Variants in APC2 observed in about 807,000 individuals in gnomAD.
APC2 encodes the protein APC regulator of Wnt signaling pathway 2.
A neutral mutation model predicts 72.5 loss-of-function variants in APC2; 41 were observed. The observed-to-expected ratio is 0.57, with a 90% CI of 0.44 to 0.73. The LOEUF (loss-of-function observed/expected upper bound fraction) is 0.73. Among genes scored for constraint, APC2 ranks in the 30% least tolerant of loss-of-function variants. The probability of loss-of-function intolerance (pLI) is 0.00; values close to 1 mark genes in which losing one functional copy is unlikely to be tolerated. For synonymous variants in APC2, 1,898 were observed against 1,612.0 expected, an observed-to-expected ratio of 1.18 and a Z score of -4.25; for missense variants, 3,729 against 3,403.4, an observed-to-expected ratio of 1.10 and a Z score of -2.38.
chr19:1,448,984 T>G (rs2083713317), upstream of APC2, among the ~76,000 whole-genome samples: 1 of 152,160 alleles, frequency 6.6e-6, no homozygotes, highest in African/African-American at 2.4e-5. Context: ...GCCGAAGGGC[T>G]CTCAGCCCCT....
At chr19:1,456,504 T>A in intron 8 of APC2, 100 bp downstream of exon 8, 1 of 1,239,808 alleles carries the variant, frequency 8.1e-7, no homozygotes, top group Non-Finnish European at 1.1e-6. Context: ...CATGCCTCCA[T>A]CCAGCACCCC....
Position 1,453,318 on chromosome 19 carries a change from G to A in APC2, c.213G>A (p.Glu71=), listed in dbSNP as rs368403303. ...ARVLVSSGQT[E]VLEQLKALQM... is the part of the protein sequence containing the mutation. ...TGCTGGTGTCCTCGGGGCAGACGGA[G>A]GTGCTGGAGCAGCTGAAGGGTGAGC... Residue 71 remains glutamate (E), a synonymous_variant, in exon 3 of 15, where the codon GAG becomes GAA. Transcript: ENST00000590469. The A allele has an allele frequency of 1.8e-5, 28 of 1,599,870 alleles. No homozygotes were observed. Among genetic ancestry groups the A allele is most frequent in the Non-Finnish European group, 2.3e-5 (27 of 1,173,670 alleles).
Position 1,456,924 on chromosome 19 carries a change from G to A in APC2, c.888G>A (p.Leu296=). The A allele has an allele frequency of 6.4e-7, 1 of 1,569,984 alleles. No individual in the cohort carries two copies. Among genetic ancestry groups the A allele is most frequent in the Non-Finnish European group, 8.6e-7 (1 of 1,166,058 alleles). The part of the protein sequence containing the change: ...RDQEDTARTL[L]AMSSSPESCV... ...AGGAGGATACAGCGCGCACGCTGCTGGCCATGTCCAGCTCGCCCGAGAGCT... is the reference window on the plus strand; with the variant it reads ...AGGAGGATACAGCGCGCACGCTGCTAGCCATGTCCAGCTCGCCCGAGAGCT... The change falls in exon 9 of 15, where the codon CTG becomes CTA. Residue 296 remains leucine, a synonymous_variant. Transcript: ENST00000590469.
chr19:1,470,256 G>A lies in APC2; in HGVS notation c.*43G>A, dbSNP rs549582280. ...CTGGAACGTTCTCTCCCGGCCCTGC[G>A]GCGCGGTCTGGCTGCCCCATGGGCC... is the stretch of plus-strand genomic sequence containing the variant. On this transcript the variant is annotated 3_prime_UTR_variant, in exon 15 of 15. Transcript: ENST00000590469. The A allele has an allele frequency of 1.8e-5, 27 of 1,518,002 alleles. No homozygotes were observed. In the South Asian group the frequency reaches 2.2e-4, roughly 12 times the overall value. 94.0% of individuals were successfully genotyped at this position (1,518,002 alleles called of 1,614,324 possible).
In APC2 at chr19:1,461,972, C is replaced by T. The variant is rs1451605837; in HGVS notation, c.1648C>T (p.Leu550=). The change falls in exon 14 of 15, where the codon CTG becomes TTG. Residue 550 remains leucine (L), a synonymous_variant. Coordinates refer to ENST00000590469, the MANE Select transcript of APC2 (RefSeq NM_005883.3). ...CCCGCCCCTCGTCCAGGAGTCCACC[C>T]TGAAGAGCGTGCTGAGCGCCCTGTG... The part of the protein sequence containing the change: ...CVLRATKEST[L]KSVLSALWNL... 1 of 1,611,676 alleles carries T rather than the reference C, an allele frequency of 6.2e-7. No individual in the cohort carries two copies. Among genetic ancestry groups the T allele is most frequent in the Non-Finnish European group, 8.5e-7 (1 of 1,178,900 alleles).
rs2084036067 is a variant in APC2 at position 1,467,315 on chromosome 19, G to A, written c.4014G>A (p.Gln1338=). Residue 1338 remains glutamine, a synonymous_variant, in exon 15 of 15, where the codon CAG becomes CAA. Transcript: ENST00000590469. ...CTCGCCCTCGCGGCGCCGCGGACCA[G>A]GAGCTGGAACTGCTGCGGGAGTGCC... The part of the protein sequence containing the change: ...TGSRPRGAAD[Q]ELELLRECLG... 7.4e-7 allele frequency: 1 copy of A among 1,352,618 alleles called. No homozygotes were observed. The highest frequency in any genetic ancestry group is 9.5e-7 in the Non-Finnish European group (1 of 1,055,158). The allele number at this position is 1,352,618 out of a possible 1,614,324, so 83.8% of individuals were successfully genotyped here.
rs1194079275 is a variant in APC2 at position 1,465,261 on chromosome 19, G to A, written c.1960G>A (p.Ala654Thr). The A allele has an allele frequency of 1.2e-6, 2 of 1,607,340 alleles. No homozygotes were observed. The highest frequency in any genetic ancestry group is 1.7e-5 in the Admixed American group (1 of 59,860). ...NACGTLWNLS[A>T]RSARDQELLW... ...GTGCGGCACGCTCTGGAACCTGTCG[G>A]CCCGCAGCGCCCGTGACCAGGAGCT... Residue 654 changes from alanine (A) to threonine (T), a missense_variant, in exon 15 of 15, where the codon GCC becomes ACC. By Grantham distance (58) the Ala-to-Thr change is moderately conservative. Coordinates refer to ENST00000590469, the MANE Select transcript of APC2 (RefSeq NM_005883.3).
Position 1,468,901 on chromosome 19 carries a change from GCCTCGCCAAGACCCCCT to G in APC2, c.5605_5621del (p.Ala1869GlnfsTer278), listed in dbSNP as rs1339996201. 1.3e-6 allele frequency: 2 copies of G among 1,506,628 alleles called. No homozygotes were observed. The highest frequency in any genetic ancestry group is 1.8e-6 in the Non-Finnish European group (2 of 1,132,034). 93.3% of individuals were successfully genotyped at this position (1,506,628 alleles called of 1,614,324 possible). On this transcript the variant is annotated frameshift_variant, in exon 15 of 15. Coordinates refer to ENST00000590469, the MANE Select transcript of APC2 (RefSeq NM_005883.3). LOFTEE classifies it low-confidence loss of function (END_TRUNC). ...CCCAGAAGCGCCACACCGCCCGCCC[GCCTCGCCAAGACCCCCT>G]CCTCCAGCTCCTCCCAGACCTCGCC...
intron 11 of APC2, 70 bp from the exon 12 acceptor site, chr19:1,460,710 G>C: frequency 4.7e-6 from 7 of 1,478,288 alleles, no homozygotes; most frequent in Non-Finnish European, 6.5e-6. Flanking sequence ...CACAGACGGG[G>C]CTGGGAGGTG....
intron 14 of APC2, among the ~76,000 whole-genome samples, chr19:1,463,799 A>G (rs1272927683): frequency 6.6e-6 from 1 of 152,088 alleles, no homozygotes; most frequent in East Asian, 1.9e-4. Flanking sequence ...TAAAATATTT[A>G]AACAATAGAG....
In APC2 at chr19:1,455,268, C is replaced by T. The variant is rs1223515123; in HGVS notation, c.522+11C>T. The T allele has an allele frequency of 6.4e-7, 1 of 1,561,052 alleles. No homozygotes were observed. Among genetic ancestry groups the T allele is most frequent in the African/African-American group, 1.4e-5 (1 of 72,226 alleles). On this transcript the variant is annotated intron_variant, in intron 5 of 14. Coordinates refer to ENST00000590469, the MANE Select transcript of APC2 (RefSeq NM_005883.3). Reference sequence around the variant, plus strand: ...CCGCACGTGGAGACGGTGAGCCGGCCGGGGAGCCAGGGGGCAGCGCGCCCG... The same window carrying T: ...CCGCACGTGGAGACGGTGAGCCGGCTGGGGAGCCAGGGGGCAGCGCGCCCG...
upstream of APC2, among the ~76,000 whole-genome samples, chr19:1,448,573 T>C (rs890002363): frequency 6.0e-5 from 7 of 116,910 alleles, no homozygotes; most frequent in East Asian, 2.5e-4. Context: ...AGGCCGGGCG[T>C]GGTGGTTCAC....
intron 8 of APC2, 139 bp from the exon 9 acceptor site, chr19:1,456,714 C>T (rs903556511): frequency 1.1e-5 from 13 of 1,155,256 alleles, no homozygotes; most frequent in Non-Finnish European, 1.4e-5. Flanking sequence ...GTGCAGCCTC[C>T]TAGCGTCCCC....
At position 1,455,219 on chromosome 19, in the gene APC2, C is replaced by A; in HGVS notation, c.484C>A (p.Leu162Met). 6.3e-7 allele frequency: 1 copy of A among 1,582,946 alleles called. No individual in the cohort carries two copies. Residue 162 changes from leucine to methionine, a missense_variant, in exon 5 of 15, where the codon CTG (leucine) becomes ATG (methionine). Physicochemically the swap from Leu to Met is conservative, Grantham distance 15. Transcript: ENST00000590469. ...CTGGTACTACTCTCAGCTGCAGGGC[C>A]TGTCCAAGCGCCTGGACGAGCTGCC... ...KLWYYSQLQGLSKRLDELPHV... is the reference protein window; with the variant it reads ...KLWYYSQLQGMSKRLDELPHV...
intron 6 of APC2, 134 bp downstream of exon 6, chr19:1,455,634 T>G: frequency 1.1e-6 from 1 of 890,688 alleles, no homozygotes; most frequent in East Asian, 2.7e-5. Flanking sequence ...GGGCGCGGGT[T>G]CTGGTTCAGG....
At chr19:1,446,768 A>G (rs546053189), upstream of APC2, among the ~76,000 whole-genome samples, 14 of 152,042 alleles carry the variant, frequency 9.2e-5, 1 homozygote, top group South Asian at 2.9e-3. This position sits in a 1 kb window ranked among gnomAD's most constrained non-coding sequence, Gnocchi z 6.1. Context: ...TTTGGGCCTC[A>G]GTTTCCCCTT....
Position 1,455,275 on chromosome 19 carries a change from C to G in APC2, c.522+18C>G, listed in dbSNP as rs757037018. On this transcript the variant is annotated intron_variant, in intron 5 of 14. Coordinates refer to ENST00000590469, the MANE Select transcript of APC2 (RefSeq NM_005883.3). Reference sequence around the variant, plus strand: ...TGGAGACGGTGAGCCGGCCGGGGAGCCAGGGGGCAGCGCGCCCGCCCCACT... The same window carrying G: ...TGGAGACGGTGAGCCGGCCGGGGAGGCAGGGGGCAGCGCGCCCGCCCCACT... The G allele has an allele frequency of 1.9e-5, 30 of 1,565,012 alleles. No individual in the cohort carries two copies. The East Asian group carries it at 3.1e-4, about 16-fold the overall frequency.
rs1288871513 is a variant in APC2 at position 1,467,523 on chromosome 19, G to T, written c.4222G>T (p.Asp1408Tyr). 6.8e-7 allele frequency: 1 copy of T among 1,475,126 alleles called. No individual in the cohort carries two copies. The highest frequency in any genetic ancestry group is 9.0e-7 in the Non-Finnish European group (1 of 1,117,020). 91.4% of individuals were successfully genotyped at this position (1,475,126 alleles called of 1,614,324 possible). A position where few individuals can be genotyped will look rare whatever the true frequency, so the allele number is the denominator to read the frequency against. Residue 1408 changes from aspartate (D) to tyrosine (Y), a missense_variant, in exon 15 of 15, where the codon GAC (aspartate) becomes TAC (tyrosine). Transcript: ENST00000590469. Reference protein sequence around the residue: ...VNFSSAASLSDETLQGPPRDQ... With the variant: ...VNFSSAASLSYETLQGPPRDQ... ...CTTCTCTAGCGCCGCCTCGCTCAGC[G>T]ACGAGACGCTGCAGGGACCCCCCAG... is the stretch of plus-strand genomic sequence containing the variant.
upstream of APC2, among the ~76,000 whole-genome samples, chr19:1,449,605 G>A (rs2083718686): frequency 6.6e-6 from 1 of 152,114 alleles, no homozygotes; most frequent in Non-Finnish European, 1.5e-5. Context: ...GAGATGCAGC[G>A]TCCCAGGTGC....
Sources: allele counts gnomAD v4.1 joint callset (sites outside exome capture counted in the v4.1 genomes callset), GRCh38; gene constraint gnomAD v4.1.1; non-coding constraint Gnocchi (gnomAD v3.1); transcripts MANE v1.5; gene names NCBI Gene and HGNC (gene_info 2026-07-23, HGNC 2026-07-21).